MEI4: variants seen among roughly 807,000 people sequenced by gnomAD.
MEI4 encodes meiosis-specific protein MEI4.
Under a neutral mutation model 31.4 loss-of-function variants are expected in MEI4, and 27 were observed. That is an observed-to-expected ratio of 0.86 (90% confidence interval 0.63 to 1.19). MEI4 has a LOEUF of 1.19. Among genes scored for constraint, MEI4 ranks in the 50% most tolerant of loss-of-function variants. The probability of loss-of-function intolerance (pLI) is 0.00; values close to 1 mark genes in which losing one functional copy is unlikely to be tolerated. For synonymous variants in MEI4, 122 were observed against 145.4 expected (o/e 0.84, Z 1.16); for missense variants, 329 against 398.9 (o/e 0.82, Z 1.49).
chr6:77,735,178 C>G, intron 2 of MEI4, among the ~76,000 whole-genome samples: 1 of 151,934 alleles, frequency 6.6e-6, no homozygotes, highest in Non-Finnish European at 1.5e-5. Flanking sequence ...TGAATGTTGG[C>G]CTGCCTTGCT....
At chr6:77,803,802 C>T (rs1303648934) in intron 3 of MEI4, among the ~76,000 whole-genome samples, 2 of 152,156 alleles carry the variant, frequency 1.3e-5, no homozygotes, top group African/African-American at 4.8e-5. Flanking sequence ...TGGTGAACAG[C>T]AAATGTTGCT....
At chr6:77,891,325 A>T (rs896881868) in intron 4 of MEI4, among the ~76,000 whole-genome samples, 2 of 151,982 alleles carry the variant, frequency 1.3e-5, no homozygotes, top group Non-Finnish European at 2.9e-5. Context: ...TGCTTTCTTC[A>T]TTCTTTTTCT....
chr6:77,682,693 A>T (rs1425454458), intron 1 of MEI4, among the ~76,000 whole-genome samples: 1 of 152,114 alleles, frequency 6.6e-6, no homozygotes, highest in Non-Finnish European at 1.5e-5. Flanking sequence ...TCATTTACTC[A>T]CTACTATTTA....
At chr6:77,652,465 T>C (rs1258453606), upstream of MEI4, among the ~76,000 whole-genome samples, 1 of 152,184 alleles carries the variant, frequency 6.6e-6, no homozygotes, top group African/African-American at 2.4e-5. Flanking sequence ...TTTTCTTTTT[T>C]TAAAGCTGGG....
intron 3 of MEI4, among the ~76,000 whole-genome samples, chr6:77,784,932 A>G (rs1768693699): frequency 1.3e-5 from 2 of 152,168 alleles, no homozygotes; most frequent in African/African-American, 2.4e-5. Flanking sequence ...AAAGTTCCCA[A>G]GAACTCAGTT....
At chr6:77,866,948 C>A (rs945062539) in intron 4 of MEI4, among the ~76,000 whole-genome samples, 9 of 152,006 alleles carry the variant, frequency 5.9e-5, no homozygotes, top group Non-Finnish European at 8.8e-5. Flanking sequence ...TCTTTGACAA[C>A]CCTGACAAAA....
At chr6:77,832,953 G>T (rs1188453383) in intron 4 of MEI4, among the ~76,000 whole-genome samples, 1 of 152,060 alleles carries the variant, frequency 6.6e-6, no homozygotes, top group Non-Finnish European at 1.5e-5. Flanking sequence ...TTTTTGAAAG[G>T]TGGTTTTGTG....
At chr6:77,849,692 G>A (rs988980002) in intron 4 of MEI4, among the ~76,000 whole-genome samples, 1 of 152,170 alleles carries the variant, frequency 6.6e-6, no homozygotes, top group African/African-American at 2.4e-5. Context: ...TTATAGAGCT[G>A]TAGTGCATAC....
At chr6:77,799,920 A>G (rs1024492507) in intron 3 of MEI4, among the ~76,000 whole-genome samples, 1 of 152,164 alleles carries the variant, frequency 6.6e-6, no homozygotes, top group African/African-American at 2.4e-5. Flanking sequence ...ATTTGAAGTC[A>G]GGTAGTGTGA....
At chr6:77,882,659 G>A (rs1513012) in intron 4 of MEI4, among the ~76,000 whole-genome samples, 125,667 of 152,136 alleles carry the variant, frequency 0.83, 52,414 homozygotes, top group East Asian at 0.95. Flanking sequence ...ACTTTCCTGC[G>A]CAGACTACTT....
chr6:77,688,863 A>C (rs575810436), intron 1 of MEI4, among the ~76,000 whole-genome samples: 3 of 152,220 alleles, frequency 2.0e-5, no homozygotes, highest in East Asian at 1.9e-4. Context: ...AATGAGTGTC[A>C]GAGTCCACTG....
chr6:77,740,436 T>C (rs969392919), intron 2 of MEI4, among the ~76,000 whole-genome samples: 5 of 152,184 alleles, frequency 3.3e-5, no homozygotes, highest in African/African-American at 9.6e-5. Flanking sequence ...ATTACTGCAA[T>C]TGAAGCCTTT....
chr6:77,818,099 A>G (rs553892587), intron 3 of MEI4, among the ~76,000 whole-genome samples: 1 of 152,076 alleles, frequency 6.6e-6, no homozygotes, highest in Admixed American at 6.6e-5. Context: ...TGTTTTCTGC[A>G]TTTTTTTGTT....
chr6:77,681,058 C>A (rs1311594999), intron 1 of MEI4, among the ~76,000 whole-genome samples: 1 of 151,646 alleles, frequency 6.6e-6, no homozygotes, highest in Non-Finnish European at 1.5e-5. Context: ...CCACAGGACT[C>A]TGTACCTCAT....
At chr6:77,783,133 T>C (rs1768636781) in intron 3 of MEI4, among the ~76,000 whole-genome samples, 1 of 152,178 alleles carries the variant, frequency 6.6e-6, no homozygotes, top group Non-Finnish European at 1.5e-5. Flanking sequence ...CAGTGATGAC[T>C]ATTTGAAAAA....
At chr6:77,882,266 A>C (rs1326468812) in intron 4 of MEI4, among the ~76,000 whole-genome samples, 1 of 152,212 alleles carries the variant, frequency 6.6e-6, no homozygotes, top group African/African-American at 2.4e-5. Context: ...CACTAACCGG[A>C]TAACTACACC....
intron 3 of MEI4, among the ~76,000 whole-genome samples, chr6:77,777,386 G>A (rs1561984360): frequency 6.6e-6 from 1 of 152,134 alleles, no homozygotes; most frequent in Non-Finnish European, 1.5e-5. Context: ...ATAAAATAAG[G>A]AAGATTGGTC....
At chr6:77,905,050 C>A (rs1766263019) in intron 4 of MEI4, among the ~76,000 whole-genome samples, 1 of 152,070 alleles carries the variant, frequency 6.6e-6, no homozygotes, top group Non-Finnish European at 1.5e-5. Context: ...CCTTAAATAA[C>A]TCCTTTTCAC....
chr6:77,778,655 G>A (rs1768518891), intron 3 of MEI4, among the ~76,000 whole-genome samples: 1 of 151,924 alleles, frequency 6.6e-6, no homozygotes, highest in Admixed American at 6.6e-5. Flanking sequence ...AGCCATGATT[G>A]CAACACTGCA....
Sources: gnomAD v4.1 joint callset for allele counts (sites outside exome capture counted in the v4.1 genomes callset) on GRCh38, gnomAD v4.1.1 for gene constraint, MANE v1.5 for transcripts, NCBI Gene and HGNC (gene_info 2026-07-23, HGNC 2026-07-21) for gene names.